CEP63: variants seen among roughly 807,000 people sequenced by gnomAD.
CEP63 encodes the protein centrosomal protein 63.
In CEP63, 84 loss-of-function variants were observed where a neutral mutation model predicts 89.1. The ratio of observed to expected loss-of-function variants is 0.94; its 90% confidence interval spans 0.79 to 1.13. The LOEUF (loss-of-function observed/expected upper bound fraction) is 1.13, where lower values mean the gene tolerates loss of function less well. CEP63 is among the 50% of genes most tolerant of loss of function. The probability of loss-of-function intolerance (pLI) is 0.00; values close to 1 mark genes in which losing one functional copy is unlikely to be tolerated. For missense variants in CEP63, 838 were observed against 813.3 expected (o/e 1.03, Z -0.37); for synonymous variants, 267 against 272.5 (o/e 0.98, Z 0.20).
chr3:134,654,910 T>C, the CEP63 span, among the ~76,000 whole-genome samples: 1 of 152,026 alleles, frequency 6.6e-6, no homozygotes, highest in African/African-American at 2.4e-5. Context: ...ACAATCCCAA[T>C]AGTTAATTTG....
At chr3:134,497,704 G>A (rs2108133264) in intron 2 of CEP63, among the ~76,000 whole-genome samples, 1 of 152,112 alleles carries the variant, frequency 6.6e-6, no homozygotes, top group Non-Finnish European at 1.5e-5. Flanking sequence ...ATAGTTTTGG[G>A]TCTTACATTT....
the CEP63 span, among the ~76,000 whole-genome samples, chr3:134,770,991 T>A: frequency 6.6e-6 from 1 of 152,196 alleles, no homozygotes; most frequent in South Asian, 2.1e-4. Context: ...CGTCTCCAAA[T>A]TTGACAGGAA....
At chr3:134,746,076 C>T in the CEP63 span, among the ~76,000 whole-genome samples, 3 of 151,778 alleles carry the variant, frequency 2.0e-5, no homozygotes, top group East Asian at 3.9e-4. Context: ...CCACCCCCCC[C>T]ACCCCATGAC....
the CEP63 span, chr3:134,604,187 G>A: frequency 6.2e-7 from 1 of 1,611,392 alleles, no homozygotes; most frequent in Non-Finnish European, 8.5e-7. Flanking sequence ...ATGCCCATCT[G>A]CTCCGAGAAC....
chr3:134,489,305 C>T (rs1375099137), intron 1 of CEP63, among the ~76,000 whole-genome samples: 5 of 152,030 alleles, frequency 3.3e-5, no homozygotes, highest in Admixed American at 6.6e-5. Context: ...TATTGAACAG[C>T]ACTGCTCTAG....
the CEP63 span, chr3:134,607,677 C>T: frequency 7.1e-6 from 7 of 985,652 alleles, no homozygotes; most frequent in Admixed American, 6.1e-5. Flanking sequence ...TTCTGGCCCT[C>T]CAGGGCAGCC....
In CEP63 at chr3:134,564,375, T is replaced by C. The variant is rs541985623; in HGVS notation, c.*2840T>C. The C allele has an allele frequency of 8.2e-5, 81 of 985,558 alleles. No individual in the cohort carries two copies. The South Asian group carries it at 1.7e-3, about 21-fold the overall frequency. The allele number at this position is 985,558 out of a possible 1,614,324, so 61.1% of individuals were successfully genotyped here. A position where few individuals can be genotyped will look rare whatever the true frequency, so the allele number is the denominator to read the frequency against. Reference sequence around the variant, plus strand: ...ACTCCCCCTTTACTTGGCTACTTTATCTGGCTTGGCAAAGCTTTCCCATAT... The same window carrying C: ...ACTCCCCCTTTACTTGGCTACTTTACCTGGCTTGGCAAAGCTTTCCCATAT... On this transcript the variant is annotated 3_prime_UTR_variant, in exon 15 of 15. Coordinates refer to ENST00000675561, the MANE Select transcript of CEP63 (RefSeq NM_001353108.3).
At chr3:134,627,801 T>A in the CEP63 span, 6 of 1,613,484 alleles carry the variant, frequency 3.7e-6, no homozygotes, top group Admixed American at 8.3e-5. Context: ...GTGTTTCCAT[T>A]TTTATCACCT....
chr3:134,721,013 T>C, the CEP63 span, among the ~76,000 whole-genome samples: 2 of 152,086 alleles, frequency 1.3e-5, no homozygotes, highest in Non-Finnish European at 2.9e-5. Flanking sequence ...AAAGGGAAGT[T>C]GGGATTTTGA....
chr3:134,620,782 G>A, the CEP63 span: 54 of 1,613,558 alleles, frequency 3.3e-5, no homozygotes, highest in Non-Finnish European at 4.3e-5. Flanking sequence ...CAGATGGCGC[G>A]GACCCTTTCC....
downstream of CEP63, among the ~76,000 whole-genome samples, chr3:134,567,457 T>G (rs1312047435): frequency 2.0e-5 from 2 of 99,984 alleles, no homozygotes; most frequent in Non-Finnish European, 3.8e-5. Flanking sequence ...TATATCTTAA[T>G]CACTGTTACC....
chr3:134,695,779 C>T, the CEP63 span, among the ~76,000 whole-genome samples: 33 of 152,282 alleles, frequency 2.2e-4, no homozygotes, highest in Non-Finnish European at 3.1e-4. Flanking sequence ...GCCAAGCAAC[C>T]GAGGTCTCCT....
the CEP63 span, among the ~76,000 whole-genome samples, chr3:134,686,271 G>T: frequency 6.6e-6 from 1 of 152,230 alleles, no homozygotes; most frequent in East Asian, 1.9e-4. Context: ...TCTCCCTGAA[G>T]ACTTGTTTAT....
In CEP63 at chr3:134,561,939, A is replaced by G; in HGVS notation, c.*404A>G. Reference sequence around the variant, plus strand: ...TGTAGAAGCATGGATTTAGGGGTCAAACATACCTGGATCGATAGACTGGTT... The same window carrying G: ...TGTAGAAGCATGGATTTAGGGGTCAGACATACCTGGATCGATAGACTGGTT... On this transcript the variant is annotated 3_prime_UTR_variant, in exon 15 of 15. Coordinates refer to ENST00000675561, the MANE Select transcript of CEP63 (RefSeq NM_001353108.3). The G allele has an allele frequency of 2.9e-6, 3 of 1,040,838 alleles. No homozygotes were observed. The highest frequency in any genetic ancestry group is 3.5e-6 in the Non-Finnish European group (3 of 863,484). The allele number at this position is 1,040,838 out of a possible 1,614,324, so 64.5% of individuals were successfully genotyped here.
In CEP63 at chr3:134,552,008, A is replaced by C; in HGVS notation, c.1463A>C (p.His488Pro). Residue 488 changes from histidine to proline, a missense_variant, in exon 12 of 15, where the codon CAT (histidine) becomes CCT (proline). Coordinates refer to ENST00000675561, the MANE Select transcript of CEP63 (RefSeq NM_001353108.3). ...EMVMKLELGL[H>P]EAKEISLADL... Reference sequence around the variant, plus strand: ...GTGATGAAATTGGAATTGGGTTTACATGAGGTACATAAATAGAAACTTAAG... The same window carrying C: ...GTGATGAAATTGGAATTGGGTTTACCTGAGGTACATAAATAGAAACTTAAG... 1 of 1,575,144 alleles carries C rather than the reference A, an allele frequency of 6.3e-7. No individual in the cohort carries two copies. Among genetic ancestry groups the C allele is most frequent in the Non-Finnish European group, 8.7e-7 (1 of 1,147,376 alleles).
the CEP63 span, among the ~76,000 whole-genome samples, chr3:134,749,079 G>T: frequency 6.6e-6 from 1 of 152,204 alleles, no homozygotes; most frequent in Non-Finnish European, 1.5e-5. Context: ...GTAGGTCCCA[G>T]AGGTCCTGCA....
the CEP63 span, among the ~76,000 whole-genome samples, chr3:134,636,018 G>C: frequency 6.6e-6 from 1 of 152,128 alleles, no homozygotes; most frequent in East Asian, 1.9e-4. Context: ...ATCCATATAA[G>C]CAATCCCTTT....
the CEP63 span, chr3:134,612,936 T>C: frequency 2.0e-5 from 3 of 152,406 alleles, no homozygotes; most frequent in African/African-American, 7.2e-5. Flanking sequence ...AAATTTTTAA[T>C]AATGATTATG....
chr3:134,723,543 A>G, the CEP63 span, among the ~76,000 whole-genome samples: 26 of 152,354 alleles, frequency 1.7e-4, no homozygotes, highest in South Asian at 1.9e-3. Context: ...TGGGTTACAC[A>G]ACTTTATTAG....
Sources: allele counts gnomAD v4.1 joint callset (sites outside exome capture counted in the v4.1 genomes callset), GRCh38; gene constraint gnomAD v4.1.1; transcripts MANE v1.5; gene names NCBI Gene and HGNC (gene_info 2026-07-23, HGNC 2026-07-21).